The following DHRSX variants were observed in gnomAD, a reference collection of about 807,000 sequenced individuals.
The protein encoded by DHRSX is polyprenol dehydrogenase.
In DHRSX, 31 loss-of-function variants were observed where a neutral mutation model predicts 34.0. That is an observed-to-expected ratio of 0.91 (90% CI 0.69 to 1.23). DHRSX has a LOEUF of 1.23. Ranked by LOEUF, DHRSX falls within the 50% of genes most tolerant of loss-of-function variation. DHRSX has a pLI of 0.00. For synonymous variants in DHRSX, 201 were observed against 183.8 expected (o/e 1.09, Z -0.76); for missense variants, 414 against 428.1 (o/e 0.97, Z 0.29).
intron 4 of DHRSX, among the ~76,000 whole-genome samples, chrX:2,282,643 GGAGAGAGGGA>G (rs1482088269): frequency 2.7e-5 from 3 of 111,652 alleles, no homozygotes. Context: ...GGAAAGGGAG[GGAGAGAGGGA>G]GAGAGAGAAT....
At chrX:2,491,560 T>C (rs1261070837) in intron 1 of DHRSX, among the ~76,000 whole-genome samples, 3 of 152,220 alleles carry the variant, frequency 2.0e-5, no homozygotes, top group African/African-American at 4.8e-5. Flanking sequence ...CTGAGCTTCA[T>C]TCACTGCATT....
intron 1 of DHRSX, among the ~76,000 whole-genome samples, chrX:2,496,853 TATAGA>T (rs1446143888): frequency 6.7e-6 from 1 of 149,028 alleles, no homozygotes; most frequent in Non-Finnish European, 1.5e-5. Context: ...ATTTTATATT[TATAGA>T]AAAGTATAAA....
intron 1 of DHRSX, among the ~76,000 whole-genome samples, chrX:2,497,960 C>T (rs997535177): frequency 1.8e-4 from 27 of 152,072 alleles, no homozygotes; most frequent in African/African-American, 5.3e-4. Flanking sequence ...CTGAATGGGC[C>T]GCATGGATAT....
At chrX:2,345,423 A>T (rs1459306199) in intron 3 of DHRSX, among the ~76,000 whole-genome samples, 2 of 151,940 alleles carry the variant, frequency 1.3e-5, no homozygotes, top group East Asian at 3.9e-4. Context: ...CAGGTGGATC[A>T]TCTGAGGTCA....
intron 1 of DHRSX, among the ~76,000 whole-genome samples, chrX:2,438,066 C>CT (rs1031273045): frequency 2.5e-4 from 38 of 150,740 alleles, no homozygotes; most frequent in African/African-American, 2.4e-5. Context: ...AATCCCAGCA[C>CT]TTTGGGAGGC....
At chrX:2,254,260 T>A (rs968308444) in intron 5 of DHRSX, among the ~76,000 whole-genome samples, 1 of 152,216 alleles carries the variant, frequency 6.6e-6, no homozygotes, top group African/African-American at 2.4e-5. Context: ...TGAGTTTTTA[T>A]GTTAACTTCC....
At chrX:2,306,463 CTTT>C (rs537318296) in intron 3 of DHRSX, among the ~76,000 whole-genome samples, 7 of 139,978 alleles carry the variant, frequency 5.0e-5, no homozygotes, top group Admixed American at 7.2e-5. Context: ...GATCAATTAT[CTTT>C]TTTTTTTTTT....
At chrX:2,408,702 A>G (rs770642114) in intron 3 of DHRSX, 43 bp downstream of exon 3, 111 of 1,237,284 alleles carry the variant, frequency 9.0e-5, no homozygotes, top group Middle Eastern at 2.1e-4. Context: ...TGTCCCAAGG[A>G]AAAAAAAAAA....
intron 4 of DHRSX, among the ~76,000 whole-genome samples, chrX:2,288,885 G>A (rs1437974317): frequency 6.6e-6 from 1 of 152,146 alleles, no homozygotes; most frequent in African/African-American, 2.4e-5. Flanking sequence ...TGTGTGCCTT[G>A]TTTAAAATCT....
At chrX:2,360,407 AC>A (rs1375776792) in intron 3 of DHRSX, among the ~76,000 whole-genome samples, 1 of 152,042 alleles carries the variant, frequency 6.6e-6, no homozygotes, top group African/African-American at 2.4e-5. Flanking sequence ...ACATGGTGAA[AC>A]CCTGTCTCTA....
At chrX:2,241,704 T>G (rs2016144704) in intron 6 of DHRSX, among the ~76,000 whole-genome samples, 1 of 152,006 alleles carries the variant, frequency 6.6e-6, no homozygotes, top group South Asian at 2.1e-4. Context: ...AGGTCCAGAG[T>G]TCGTGACCAG....
chrX:2,382,157 C>A (rs183880547), intron 3 of DHRSX, among the ~76,000 whole-genome samples: 1 of 152,258 alleles, frequency 6.6e-6, no homozygotes, highest in East Asian at 1.9e-4. Context: ...ATTCCATTCC[C>A]TCTTTCTGGG....
intron 6 of DHRSX, among the ~76,000 whole-genome samples, chrX:2,224,895 AC>A (rs2015607737): frequency 1.6e-5 from 2 of 126,390 alleles, no homozygotes; most frequent in Middle Eastern, 3.8e-3. Context: ...ACATGCTCAC[AC>A]TCGCACACAC....
At chrX:2,229,239 C>T (rs1486498815) in intron 6 of DHRSX, among the ~76,000 whole-genome samples, 2 of 152,054 alleles carry the variant, frequency 1.3e-5, no homozygotes, top group Non-Finnish European at 2.9e-5. Context: ...CTGAGCTTCC[C>T]AAGGAGAGTT....
At position 2,248,021 on chromosome X, in the gene DHRSX, C is replaced by T. The variant is rs768287699; in HGVS notation, c.597-4791G>A. On this transcript the variant is annotated intron_variant, in intron 5 of 6. Transcript: ENST00000334651. ...TCGCCATAAAGAAATTTCCTATCAT[C>T]GTGCAGTGGCTCACGGCTATAATCC... 3.5e-4 allele frequency among the ~76,000 whole-genome samples: 53 copies of T among 152,144 alleles called. No individual in the cohort carries two copies. The South Asian group carries it at 7.7e-3, about 22-fold the overall frequency.
intron 3 of DHRSX, among the ~76,000 whole-genome samples, chrX:2,383,378 T>C (rs2043236020): frequency 2.6e-5 from 4 of 151,376 alleles, no homozygotes. Flanking sequence ...ATCATCACCA[T>C]CATCACCATC....
intron 1 of DHRSX, among the ~76,000 whole-genome samples, chrX:2,451,706 G>C (rs748061396): frequency 2.0e-5 from 3 of 152,312 alleles, no homozygotes; most frequent in South Asian, 4.1e-4. Context: ...ATGAGAGTCA[G>C]AGACACCCAG....
intron 1 of DHRSX, among the ~76,000 whole-genome samples, chrX:2,432,578 A>G (rs891177134): frequency 4.6e-5 from 7 of 152,214 alleles, no homozygotes; most frequent in Non-Finnish European, 8.8e-5. Flanking sequence ...AATTGAGTAC[A>G]CGACAAAAGG....
At chrX:2,440,712 C>A (rs766176802) in intron 1 of DHRSX, among the ~76,000 whole-genome samples, 1 of 152,112 alleles carries the variant, frequency 6.6e-6, no homozygotes, top group East Asian at 1.9e-4. Flanking sequence ...GGCTCCTGGA[C>A]CTTCGACCAC....
Sources: gnomAD v4.1 joint callset for allele counts (sites outside exome capture counted in the v4.1 genomes callset) on GRCh38, gnomAD v4.1.1 for gene constraint, MANE v1.5 for transcripts, NCBI Gene and HGNC (gene_info 2026-07-23, HGNC 2026-07-21) for gene names.